NUDT7: variants seen among roughly 807,000 people sequenced by gnomAD.
NUDT7 encodes the protein peroxisomal coenzyme A diphosphatase NUDT7.
NUDT7 carries 19 observed loss-of-function variants against 13.1 expected under a neutral mutation model. That is an observed-to-expected ratio of 1.45 (90% CI 1.01 to 2.13). The LOEUF (loss-of-function observed/expected upper bound fraction) is 2.13, where lower values mean the gene tolerates loss of function less well. Ranked by LOEUF, NUDT7 falls within the 30% of genes most tolerant of loss-of-function variation. The pLI, the probability that NUDT7 is intolerant of heterozygous loss-of-function variation, is 0.00. For missense variants in NUDT7, 360 were observed against 291.7 expected (o/e 1.23, Z -1.71); for synonymous variants, 132 against 109.7 (o/e 1.20, Z -1.27).
intron 3 of NUDT7, chr16:77,737,529 G>C (rs564621410): frequency 6.6e-6 from 1 of 151,636 alleles, no homozygotes; most frequent in Non-Finnish European, 1.5e-5. Flanking sequence ...TCTGTCGCCC[G>C]GGCTGGAGTG....
In NUDT7 at chr16:77,741,586, AT is replaced by A. The variant is rs777087606; in HGVS notation, c.354del (p.Asp118GlufsTer3). On this transcript the variant is annotated frameshift_variant, in exon 4 of 4. Transcript: ENST00000268533. LOFTEE classifies it low-confidence loss of function (END_TRUNC). ...TGTTTTGTTTTCTGCTTTTAGACAG[AT>A]ACATTGATAACTCCATTTGTGGGTT... ...CCLVPCLIDT[D>X]TLITPFVGLI... 19 of 1,602,084 alleles carry A rather than the reference AT, an allele frequency of 1.2e-5. No individual in the cohort carries two copies. In the Admixed American group the frequency reaches 3.2e-4, roughly 27 times the overall value.
chr16:77,736,263 C>G, intron 3 of NUDT7: 1 of 317,396 alleles, frequency 3.2e-6, no homozygotes. Flanking sequence ...AGAGATGCTT[C>G]AGAATTATTA....
intron 1 of NUDT7, 72 bp downstream of exon 1, chr16:77,722,689 G>A (rs2145096618): frequency 6.9e-7 from 1 of 1,444,636 alleles, no homozygotes; most frequent in Non-Finnish European, 9.5e-7. Context: ...AGGCCACCGG[G>A]GCCTTTTGGC....
At chr16:77,734,699 T>C (rs1051106519) in intron 2 of NUDT7, among the ~76,000 whole-genome samples, 12 of 151,754 alleles carry the variant, frequency 7.9e-5, no homozygotes, top group African/African-American at 2.2e-4. Context: ...ATACACACAA[T>C]AGAATACTAT....
chr16:77,741,186 A>G (rs2014648620), intron 3 of NUDT7, among the ~76,000 whole-genome samples: 1 of 152,184 alleles, frequency 6.6e-6, no homozygotes, highest in South Asian at 2.1e-4. Context: ...AAGAGTGATA[A>G]CTTTAGAATT....
At position 77,741,397 on chromosome 16, in the gene NUDT7, C is replaced by T. The variant is rs988410721; in HGVS notation, c.349-185C>T. On this transcript the variant is annotated intron_variant, in intron 3 of 3. Coordinates refer to ENST00000268533, the MANE Select transcript of NUDT7 (RefSeq NM_001105663.3). ...ATTTTCAGAGTCATCTCATAGATGT[C>T]ACCTCAGGTAGAGCAGGATGACTCC... 57 of 563,688 alleles carry T rather than the reference C, an allele frequency of 1.0e-4. 1 individual carries two copies. The highest frequency in any genetic ancestry group is 3.9e-4 in the South Asian group (15 of 38,706). 34.9% of individuals were successfully genotyped at this position (563,688 alleles called of 1,614,324 possible). A position where few individuals can be genotyped will look rare whatever the true frequency, so the allele number is the denominator to read the frequency against.
At chr16:77,726,863 T>C (rs1396207378) in intron 2 of NUDT7, among the ~76,000 whole-genome samples, 3 of 152,110 alleles carry the variant, frequency 2.0e-5, no homozygotes, top group Non-Finnish European at 4.4e-5. Flanking sequence ...AGAGGTTTCA[T>C]TGAGTCATGG....
chr16:77,740,843 C>T (rs547135433), intron 3 of NUDT7, among the ~76,000 whole-genome samples: 11 of 152,236 alleles, frequency 7.2e-5, no homozygotes, highest in South Asian at 6.2e-4. Context: ...CCACCACACC[C>T]GGCCACTCAT....
At chr16:77,730,284 C>T (rs79123226) in intron 2 of NUDT7, among the ~76,000 whole-genome samples, 16,221 of 152,146 alleles carry the variant, frequency 0.11, 977 homozygotes, top group East Asian at 0.15. Flanking sequence ...CAACCTCCCC[C>T]CAAACCACCT....
chr16:77,726,987 A>G (rs2014158681), intron 2 of NUDT7, among the ~76,000 whole-genome samples: 1 of 152,058 alleles, frequency 6.6e-6, no homozygotes, highest in African/African-American at 2.4e-5. Flanking sequence ...AGAGCAGGGA[A>G]ATACCACACA....
intron 2 of NUDT7, among the ~76,000 whole-genome samples, chr16:77,733,744 A>G (rs2014391043): frequency 6.6e-6 from 1 of 152,174 alleles, no homozygotes; most frequent in Non-Finnish European, 1.5e-5. Flanking sequence ...TGAGGAGCAC[A>G]CTGTCATTAC....
At chr16:77,740,456 G>A (rs2014623503) in intron 3 of NUDT7, among the ~76,000 whole-genome samples, 1 of 152,034 alleles carries the variant, frequency 6.6e-6, no homozygotes, top group Non-Finnish European at 1.5e-5. Context: ...TCCTCACTCA[G>A]CCCCAGGCCT....
At position 77,741,620 on chromosome 16, in the gene NUDT7, C is replaced by G. The variant is rs756087779; in HGVS notation, c.387C>G (p.Asp129Glu). Residue 129 changes from aspartate (D) to glutamate (E), a missense_variant, in exon 4 of 4, where the codon GAC becomes GAG. Physicochemically the swap from Asp to Glu is conservative, Grantham distance 45 (BLOSUM62 2). Coordinates refer to ENST00000268533, the MANE Select transcript of NUDT7 (RefSeq NM_001105663.3). Reference sequence around the variant, plus strand: ...TAACTCCATTTGTGGGTTTAATAGACCACAACTTCCAGGCCCAGCCGAATC... The same window carrying G: ...TAACTCCATTTGTGGGTTTAATAGAGCACAACTTCCAGGCCCAGCCGAATC... ...TLITPFVGLI[D>E]HNFQAQPNPA... 2.5e-6 allele frequency: 4 copies of G among 1,612,998 alleles called. No individual in the cohort carries two copies. In the South Asian group the frequency reaches 4.4e-5, roughly 18 times the overall value.
chr16:77,722,878 T>G lies in NUDT7; in HGVS notation c.35+261T>G, dbSNP rs533926959. Among the ~76,000 whole-genome samples the G allele has an allele frequency of 3.9e-5, 6 of 152,296 alleles. No individual in the cohort carries two copies. The East Asian group carries it at 1.2e-3, about 29-fold the overall frequency. On this transcript the variant is annotated intron_variant, in intron 1 of 3. Coordinates refer to ENST00000268533, the MANE Select transcript of NUDT7 (RefSeq NM_001105663.3). ...CCCTTCCCAGCCGGCTTGGCTGTTC[T>G]GCAATCCGCGTCTCCAGAGTTGGAC...
chr16:77,722,590 G>T lies in NUDT7; in HGVS notation c.8G>T (p.Arg3Leu), dbSNP rs777425785. 1.3e-6 allele frequency: 2 copies of T among 1,593,034 alleles called. No homozygotes were observed. Among genetic ancestry groups the T allele is most frequent in the South Asian group, 2.3e-5 (2 of 87,728 alleles). MSRLGLPEEPVRN... is the reference protein window; with the variant it reads MSLLGLPEEPVRN... ...CAAACATTCCCCAGGGCAATGTCAC[G>T]ACTTGGTCTTCCCGAGGAGCCAGTC... is the stretch of plus-strand genomic sequence containing the variant. Residue 3 changes from arginine (R) to leucine (L), a missense_variant, in exon 1 of 4, where the codon CGA (arginine) becomes CTA (leucine). Arg to Leu is a moderately radical substitution (Grantham distance 102, BLOSUM62 -2). Coordinates refer to ENST00000268533, the MANE Select transcript of NUDT7 (RefSeq NM_001105663.3).
At chr16:77,732,971 C>T (rs1409002675) in intron 2 of NUDT7, among the ~76,000 whole-genome samples, 2 of 152,064 alleles carry the variant, frequency 1.3e-5, no homozygotes, top group Non-Finnish European at 2.9e-5. Context: ...TATTTGCAGT[C>T]GCTGGTGAGT....
intron 3 of NUDT7, chr16:77,737,366 T>A (rs2014519778): frequency 6.6e-6 from 1 of 152,166 alleles, no homozygotes. Context: ...CCAATTTTGG[T>A]TTGTCTGATA....
chr16:77,741,697 C>G lies in NUDT7; in HGVS notation c.464C>G (p.Pro155Arg), dbSNP rs753757724. The G allele has an allele frequency of 6.2e-7, 1 of 1,614,116 alleles. No homozygotes were observed. The highest frequency in any genetic ancestry group is 1.1e-5 in the South Asian group (1 of 91,084). The change falls in exon 4 of 4, where the codon CCA (proline) becomes CGA (arginine). Residue 155 changes from proline to arginine, a missense_variant. Coordinates refer to ENST00000268533, the MANE Select transcript of NUDT7 (RefSeq NM_001105663.3). ...GTGCCTCTGGCCTATTTCCTGCATC[C>G]ACAGGTCCATGACCAGCATTACGTC... ...FLVPLAYFLHPQVHDQHYVTR... is the reference protein window; with the variant it reads ...FLVPLAYFLHRQVHDQHYVTR...
At chr16:77,730,293 C>G (rs2014281219) in intron 2 of NUDT7, among the ~76,000 whole-genome samples, 2 of 152,252 alleles carry the variant, frequency 1.3e-5, no homozygotes, top group South Asian at 4.1e-4. Context: ...CCCAAACCAC[C>G]TCAGCAGCTA....
Sources: gnomAD v4.1 joint callset for allele counts (sites outside exome capture counted in the v4.1 genomes callset) on GRCh38, gnomAD v4.1.1 for gene constraint, MANE v1.5 for transcripts, NCBI Gene and HGNC (gene_info 2026-07-23, HGNC 2026-07-21) for gene names.